Variants in MTERF4 observed in about 807,000 individuals in gnomAD.
MTERF4 encodes mitochondrial transcription termination factor 4.
MTERF4 carries 17 observed loss-of-function variants against 22.5 expected under a neutral mutation model. The ratio of observed to expected loss-of-function variants is 0.75; its 90% CI spans 0.52 to 1.13. The LOEUF (loss-of-function observed/expected upper bound fraction) is 1.13, where lower values mean the gene tolerates loss of function less well. MTERF4 is among the 50% of genes most tolerant of loss of function. The pLI is 0.00. For missense variants in MTERF4, 420 were observed against 466.8 expected, an observed-to-expected ratio of 0.90 and a Z score of 0.92; for synonymous variants, 165 against 175.3, an observed-to-expected ratio of 0.94 and a Z score of 0.47.
the MTERF4 span, among the ~76,000 whole-genome samples, chr2:241,050,960 CA>C: frequency 2.6e-5 from 4 of 152,230 alleles, no homozygotes; most frequent in Non-Finnish European, 5.9e-5. Context: ...CTTCCGTGAG[CA>C]CACAGGCCAC....
intron 1 of MTERF4, chr2:241,101,348 T>C (rs1575201597): frequency 3.1e-6 from 1 of 325,120 alleles, no homozygotes; most frequent in South Asian, 2.5e-5. Flanking sequence ...AGGCGGCTGG[T>C]CTGACAGGAG....
At chr2:241,091,224 A>C (rs1003915957), downstream of MTERF4, among the ~76,000 whole-genome samples, 6 of 152,236 alleles carry the variant, frequency 3.9e-5, no homozygotes, top group African/African-American at 1.4e-4. The surrounding 1 kb of genome is among the most constrained non-coding windows in gnomAD (Gnocchi z 4.1). Flanking sequence ...ACACCCATCC[A>C]AGAACAACAC....
chr2:241,088,111 T>C, downstream of MTERF4: 2 of 503,000 alleles, frequency 4.0e-6, no homozygotes, highest in East Asian at 6.9e-5. Flanking sequence ...CCCACGTCCA[T>C]CCTCTCTCTC....
intron 1 of MTERF4, chr2:241,101,178 A>G (rs780222308): frequency 5.6e-5 from 26 of 466,718 alleles, no homozygotes; most frequent in African/African-American, 5.0e-4. Flanking sequence ...ATGTAGAATC[A>G]CTGGGAGCCC....
the MTERF4 span, among the ~76,000 whole-genome samples, chr2:241,062,024 A>G: frequency 3.3e-5 from 5 of 152,226 alleles, no homozygotes; most frequent in Non-Finnish European, 5.9e-5. Context: ...TCTCTTCTTC[A>G]TATAATGCTG....
the MTERF4 span, chr2:241,063,607 C>T: frequency 6.2e-7 from 1 of 1,610,472 alleles, no homozygotes; most frequent in Non-Finnish European, 8.5e-7. Flanking sequence ...GTGCCGAGCT[C>T]ACCCGTGCAG....
At chr2:241,087,752 G>A (rs1161266136), downstream of MTERF4, 5 of 1,221,204 alleles carry the variant, frequency 4.1e-6, no homozygotes, top group East Asian at 1.2e-4. Context: ...GCTACAATTG[G>A]GAAGCACAGG....
chr2:241,053,187 C>T, the MTERF4 span: 70 of 1,610,956 alleles, frequency 4.3e-5, no homozygotes, highest in Non-Finnish European at 3.8e-5. Flanking sequence ...AGGTGAAGCA[C>T]GCCACACTGC....
rs769479895 is a variant in MTERF4 at position 241,099,535 on chromosome 2, G to A, written c.381C>T (p.Ile127=). 1.5e-5 allele frequency: 25 copies of A among 1,614,218 alleles called. No individual in the cohort carries two copies. In the East Asian group the frequency reaches 4.7e-4, roughly 30 times the overall value. ...RGASLQQLLD[I]ISEFILLGLN... is the part of the protein sequence containing the mutation. ...GACCCAAGAGAATAAATTCTGAAAT[G>A]ATGTCCAGCAACTGTTGAAGACTGG... Residue 127 remains isoleucine (I), a synonymous_variant, in exon 2 of 4, where the codon ATC becomes ATT. Transcript: ENST00000391980.
chr2:241,065,577 G>A, the MTERF4 span: 934 of 1,612,258 alleles, frequency 5.8e-4, 6 homozygotes, highest in South Asian at 3.8e-3. Context: ...CAGGCCTGCC[G>A]TGCTGCTGGC....
chr2:241,084,282 G>A (rs768077793), downstream of MTERF4, among the ~76,000 whole-genome samples: 2 of 151,820 alleles, frequency 1.3e-5, no homozygotes, highest in Admixed American at 6.6e-5. Context: ...GATTACAGGC[G>A]CCTGCCACCA....
the MTERF4 span, chr2:241,048,470 T>G: frequency 1.9e-6 from 3 of 1,573,476 alleles, no homozygotes; most frequent in Non-Finnish European, 2.6e-6. Context: ...GCTGCCGTTT[T>G]AGGGCTGGGG....
downstream of MTERF4, chr2:241,087,713 T>C: frequency 7.4e-7 from 1 of 1,357,622 alleles, no homozygotes. Context: ...GGGGTCACTC[T>C]GGTTATGCAT....
the MTERF4 span, among the ~76,000 whole-genome samples, chr2:241,066,913 G>A: frequency 6.6e-6 from 1 of 152,220 alleles, no homozygotes; most frequent in Non-Finnish European, 1.5e-5. Context: ...CCAAGGGGCT[G>A]GAGTTCCCAA....
chr2:241,097,452 G>A (rs1357734975), intron 2 of MTERF4, 25 bp from the exon 3 acceptor site: 3 of 1,600,560 alleles, frequency 1.9e-6, no homozygotes, highest in East Asian at 4.5e-5. Context: ...AAAAAGGCAA[G>A]CATATAATTT....
intron 1 of MTERF4, 193 bp downstream of exon 1, chr2:241,102,060 A>AT (rs1021582237): frequency 5.5e-6 from 4 of 727,124 alleles, no homozygotes; most frequent in Admixed American, 6.0e-5. Flanking sequence ...TCAAAAAAAA[A>AT]AAATGTCAAC....
chr2:241,086,285 A>G (rs1355478460), downstream of MTERF4, among the ~76,000 whole-genome samples: 3 of 152,188 alleles, frequency 2.0e-5, no homozygotes. Flanking sequence ...ATGCATGCAC[A>G]GCTTTATTTC....
At chr2:241,079,493 C>G (rs565707754) in intron 4 of MTERF4, among the ~76,000 whole-genome samples, 2 of 150,236 alleles carry the variant, frequency 1.3e-5, no homozygotes, top group South Asian at 4.2e-4. Flanking sequence ...AAGGGAAATA[C>G]AAATTTTGTC....
At chr2:241,044,696 C>T in the MTERF4 span, among the ~76,000 whole-genome samples, 695 of 152,232 alleles carry the variant, frequency 4.6e-3, 5 homozygotes, top group African/African-American at 0.016. Context: ...TTGGGGAATC[C>T]TCAAGTGCCC....
Sources: gnomAD v4.1 joint callset for allele counts (sites outside exome capture counted in the v4.1 genomes callset) on GRCh38, gnomAD v4.1.1 for gene constraint, Gnocchi (gnomAD v3.1) non-coding constraint, MANE v1.5 for transcripts, NCBI Gene and HGNC (gene_info 2026-07-23, HGNC 2026-07-21) for gene names.